Variants in CELF2 observed in about 807,000 individuals in gnomAD.
The protein encoded by CELF2 is CUG triplet repeat RNA-binding protein 2.
Under a neutral mutation model 62.6 loss-of-function variants are expected in CELF2, and 8 were observed. The observed-to-expected ratio is 0.13, with a 90% confidence interval of 0.07 to 0.23. The LOEUF is 0.23. Among genes scored for constraint, CELF2 ranks in the 10% least tolerant of loss-of-function variants. The pLI, the probability that CELF2 is intolerant of heterozygous loss-of-function variation, is 1.00. For missense variants in CELF2, 333 were observed against 671.0 expected, an observed-to-expected ratio of 0.50 and a Z score of 5.56; for synonymous variants, 258 against 250.0, an observed-to-expected ratio of 1.03 and a Z score of -0.30.
At chr10:10,748,980 T>C in the CELF2 span, among the ~76,000 whole-genome samples, 8,553 of 152,102 alleles carry the variant, frequency 0.056, 309 homozygotes, top group South Asian at 0.14. Context: ...GCCTTCCAGT[T>C]TGCCAAACCA....
chr10:10,670,523 A>G, the CELF2 span, among the ~76,000 whole-genome samples: 2 of 152,306 alleles, frequency 1.3e-5, no homozygotes, highest in East Asian at 1.9e-4. Context: ...CCACATTTGC[A>G]TAGCCTCCCA....
intron 1 of CELF2, among the ~76,000 whole-genome samples, chr10:10,911,150 C>G (rs917721579): frequency 2.6e-5 from 4 of 152,140 alleles, no homozygotes; most frequent in African/African-American, 7.2e-5. Flanking sequence ...CAAACATAAG[C>G]CCTTCCCACT....
the CELF2 span, among the ~76,000 whole-genome samples, chr10:10,497,307 G>A: frequency 1.6e-4 from 25 of 152,058 alleles, no homozygotes; most frequent in Admixed American, 4.6e-4. Flanking sequence ...AGGAGAGGAC[G>A]CAACAGAGGA....
At chr10:11,222,688 C>T (rs995395964) in intron 3 of CELF2, among the ~76,000 whole-genome samples, 7 of 152,166 alleles carry the variant, frequency 4.6e-5, no homozygotes, top group Non-Finnish European at 1.5e-5. Context: ...TATGCTTACA[C>T]GTGGTATGTG....
chr10:10,514,355 C>T, the CELF2 span, among the ~76,000 whole-genome samples: 2 of 151,976 alleles, frequency 1.3e-5, no homozygotes, highest in African/African-American at 4.8e-5. Flanking sequence ...CTGGTGAATC[C>T]ACTTAGTCAA....
the CELF2 span, among the ~76,000 whole-genome samples, chr10:10,755,592 TC>T: frequency 2.0e-4 from 31 of 152,162 alleles, no homozygotes; most frequent in Non-Finnish European, 4.4e-4. Flanking sequence ...GGACAAATGG[TC>T]CAAAGGGAAA....
chr10:11,067,338 G>C lies in CELF2; in HGVS notation c.74+49175G>C, dbSNP rs139613865. 7.8e-4 allele frequency among the ~76,000 whole-genome samples: 119 copies of C among 152,298 alleles called. 2 individuals are homozygous for C. Among genetic ancestry groups the C allele is most frequent in the Non-Finnish European group, 1.5e-3 (101 of 68,022 alleles). ...GCCAGTGGAAATATATTTTTGAAGT[G>C]CCGGTAAAAGGCAGGTCGTCCATTG... On this transcript the variant is annotated intron_variant, in intron 1 of 12. Coordinates refer to ENST00000633077, the MANE Select transcript of CELF2 (RefSeq NM_001326342.2).
chr10:11,238,546 G>C (rs912865015), intron 3 of CELF2, among the ~76,000 whole-genome samples: 6 of 152,112 alleles, frequency 3.9e-5, no homozygotes, highest in African/African-American at 1.4e-4. Context: ...TATCACAAAG[G>C]TGCATTGACA....
At chr10:10,766,768 C>A in the CELF2 span, among the ~76,000 whole-genome samples, 5 of 152,342 alleles carry the variant, frequency 3.3e-5, no homozygotes, top group African/African-American at 9.6e-5. Context: ...GAGACCCCTG[C>A]CCCTGTGGGG....
chr10:10,624,898 A>G, the CELF2 span, among the ~76,000 whole-genome samples: 1 of 152,230 alleles, frequency 6.6e-6, no homozygotes, highest in African/African-American at 2.4e-5. Flanking sequence ...GCAGGAGGAA[A>G]GGTCCTCGTG....
chr10:11,103,331 ATTTT>A (rs3054362), intron 1 of CELF2, among the ~76,000 whole-genome samples: 5 of 145,434 alleles, frequency 3.4e-5, no homozygotes, highest in Admixed American at 6.8e-5. Flanking sequence ...TACATTATGG[ATTTT>A]TTTTTTTTTT....
Position 11,331,871 on chromosome 10 carries a change from A to C in CELF2, c.*2818A>C, listed in dbSNP as rs1298439548. The stretch of plus-strand genomic sequence containing the variant: ...CCCTTTCTACCCAGAGCTATCTGGA[A>C]TGTTGATGACTTTTTATACTGTCAT... On this transcript the variant is annotated 3_prime_UTR_variant, in exon 13 of 13. Transcript: ENST00000633077. The C allele has an allele frequency of 1.3e-5, 2 of 152,600 alleles. No individual in the cohort carries two copies. Among genetic ancestry groups the C allele is most frequent in the Admixed American group, 1.3e-4 (2 of 15,286 alleles). The allele number at this position is 152,600 out of a possible 1,614,324, so 9.5% of individuals were successfully genotyped here. A position where few individuals can be genotyped will look rare whatever the true frequency, so the allele number is the denominator to read the frequency against.
the CELF2 span, among the ~76,000 whole-genome samples, chr10:10,576,009 A>G: frequency 6.6e-6 from 1 of 152,226 alleles, no homozygotes. Flanking sequence ...TAGCAGTCTC[A>G]TGGACTAACA....
chr10:10,732,583 G>T, the CELF2 span, among the ~76,000 whole-genome samples: 1 of 148,150 alleles, frequency 6.7e-6, no homozygotes, highest in East Asian at 2.0e-4. Flanking sequence ...GAGTGCAGTG[G>T]TACATTCTTG....
intron 9 of CELF2, among the ~76,000 whole-genome samples, chr10:11,292,973 T>C (rs551287622): frequency 5.3e-5 from 8 of 152,350 alleles, no homozygotes; most frequent in Admixed American, 4.6e-4. Context: ...ACTTGGCCCC[T>C]TCCCTCTGTC....
intron 1 of CELF2, among the ~76,000 whole-genome samples, chr10:10,842,134 T>C (rs943642269): frequency 7.9e-5 from 12 of 152,112 alleles, no homozygotes; most frequent in Non-Finnish European, 8.8e-5. Context: ...AACTTGTATA[T>C]TGACCTTGTA....
chr10:11,279,453 G>A lies in CELF2; in HGVS notation c.841+4333G>A, dbSNP rs528567524. ...GAGGTCTGAGAATGTCGAATTGGAG[G>A]CGCTCCCGGAGTGGTGAAGTGTGCT... is the stretch of plus-strand genomic sequence containing the variant. On this transcript the variant is annotated intron_variant, in intron 8 of 12. Coordinates refer to ENST00000633077, the MANE Select transcript of CELF2 (RefSeq NM_001326342.2). Among the ~76,000 whole-genome samples, 47 of 152,264 alleles carry A rather than the reference G, an allele frequency of 3.1e-4. 1 individual carries two copies. The highest frequency in any genetic ancestry group is 1.1e-3 in the African/African-American group (47 of 41,540).
the CELF2 span, among the ~76,000 whole-genome samples, chr10:10,555,043 C>A: frequency 6.6e-6 from 1 of 152,000 alleles, no homozygotes; most frequent in African/African-American, 2.4e-5. Context: ...AAAGTCAAGT[C>A]ACGAAGGGGT....
intron 1 of CELF2, among the ~76,000 whole-genome samples, chr10:10,879,535 A>T (rs1049692512): frequency 3.3e-5 from 5 of 152,230 alleles, no homozygotes; most frequent in Non-Finnish European, 7.3e-5. Flanking sequence ...CACATACCTT[A>T]CCAGAAAGTC....
Sources: allele counts gnomAD v4.1 joint callset (sites outside exome capture counted in the v4.1 genomes callset), GRCh38; gene constraint gnomAD v4.1.1; transcripts MANE v1.5; gene names NCBI Gene and HGNC (gene_info 2026-07-23, HGNC 2026-07-21).